PPP2R2B: variants seen among roughly 807,000 people sequenced by gnomAD.
PPP2R2B encodes protein phosphatase 2 regulatory subunit Bbeta.
PPP2R2B carries 5 observed loss-of-function variants against 46.0 expected under a neutral mutation model. The ratio of observed to expected loss-of-function variants is 0.11; its 90% CI spans 0.06 to 0.23. The LOEUF (loss-of-function observed/expected upper bound fraction) is 0.23, where lower values mean the gene tolerates loss of function less well. PPP2R2B is among the 10% of genes least tolerant of loss of function. The pLI, the probability that PPP2R2B is intolerant of heterozygous loss-of-function variation, is 1.00. For synonymous variants in PPP2R2B, 215 were observed against 206.7 expected (o/e 1.04, Z -0.34); for missense variants, 367 against 575.0 (o/e 0.64, Z 3.70).
rs1770258636 is a variant in PPP2R2B at position 146,588,070 on chromosome 5, C to T, written c.*1877G>A. On this transcript the variant is annotated 3_prime_UTR_variant, in exon 10 of 10. Transcript: ENST00000394411. ...AGTTTCTGACTCTCTCATGTCTCCT[C>T]CAAGAACACTGTCCCAGTCAGGACA... is the stretch of plus-strand genomic sequence containing the variant. 1 of 151,162 alleles carries T rather than the reference C, an allele frequency of 6.6e-6. No homozygotes were observed. The highest frequency in any genetic ancestry group is 2.4e-5 in the African/African-American group (1 of 41,092). The allele number at this position is 151,162 out of a possible 1,614,324, so 9.4% of individuals were successfully genotyped here. A position where few individuals can be genotyped will look rare whatever the true frequency, so the allele number is the denominator to read the frequency against.
chr5:146,926,362 A>G (rs1389602393), intron 1 of PPP2R2B, among the ~76,000 whole-genome samples: 1 of 151,846 alleles, frequency 6.6e-6, no homozygotes, highest in Admixed American at 6.6e-5. Flanking sequence ...AAATATATAT[A>G]CATTCCTGAT....
intron 5 of PPP2R2B, among the ~76,000 whole-genome samples, chr5:146,673,493 T>TA (rs58481127): frequency 6.8e-6 from 1 of 148,082 alleles, no homozygotes; most frequent in Non-Finnish European, 1.5e-5. Context: ...ATTTTTTTTT[T>TA]ATTGCTACTA....
chr5:146,853,422 T>A (rs1582272645), intron 2 of PPP2R2B, among the ~76,000 whole-genome samples: 3 of 152,158 alleles, frequency 2.0e-5, no homozygotes, highest in African/African-American at 7.2e-5. Context: ...ATAGTAATGG[T>A]GCAAAACACA....
intron 1 of PPP2R2B, among the ~76,000 whole-genome samples, chr5:147,007,093 C>T (rs1372481644): frequency 6.6e-6 from 1 of 152,112 alleles, no homozygotes; most frequent in East Asian, 1.9e-4. Context: ...ACAAATGGAA[C>T]CCCAAGTGAG....
At chr5:146,805,192 A>G (rs983332205) in intron 2 of PPP2R2B, among the ~76,000 whole-genome samples, 4 of 152,172 alleles carry the variant, frequency 2.6e-5, no homozygotes, top group African/African-American at 9.6e-5. Flanking sequence ...TATTACATAG[A>G]AAGTTGAGGA....
chr5:146,998,334 G>A (rs1754013557), intron 1 of PPP2R2B, among the ~76,000 whole-genome samples: 1 of 152,186 alleles, frequency 6.6e-6, no homozygotes, highest in Non-Finnish European at 1.5e-5. Flanking sequence ...GCAGCTGGGA[G>A]ACTGAAGCAC....
At chr5:147,048,948 G>A (rs956427057) in intron 1 of PPP2R2B, among the ~76,000 whole-genome samples, 3 of 152,014 alleles carry the variant, frequency 2.0e-5, no homozygotes, top group African/African-American at 7.3e-5. Context: ...TTCTATAGTG[G>A]GAAAGGACAG....
intron 2 of PPP2R2B, among the ~76,000 whole-genome samples, chr5:146,805,905 CTTAT>C (rs1259777580): frequency 6.6e-6 from 1 of 152,112 alleles, no homozygotes. Flanking sequence ...CTTCCTAGTT[CTTAT>C]TTATTTCCTA....
chr5:146,837,822 G>A (rs1759384724), intron 2 of PPP2R2B, among the ~76,000 whole-genome samples: 1 of 152,152 alleles, frequency 6.6e-6, no homozygotes, highest in Non-Finnish European at 1.5e-5. Context: ...TTGTCGAATA[G>A]CACAATTCTA....
intron 1 of PPP2R2B, among the ~76,000 whole-genome samples, chr5:147,002,125 G>C (rs992010596): frequency 6.6e-6 from 1 of 152,068 alleles, no homozygotes; most frequent in African/African-American, 2.4e-5. Context: ...ACCACTCCCT[G>C]TCTCTGGTGC....
At chr5:146,719,754 A>G (rs1780687996) in intron 2 of PPP2R2B, among the ~76,000 whole-genome samples, 1 of 141,110 alleles carries the variant, frequency 7.1e-6, no homozygotes, top group Non-Finnish European at 1.5e-5. Flanking sequence ...GTTTATTAAC[A>G]TTGCAGTATT....
chr5:146,768,997 C>T (rs73322122), intron 2 of PPP2R2B, among the ~76,000 whole-genome samples: 1 of 151,990 alleles, frequency 6.6e-6, no homozygotes, highest in East Asian at 1.9e-4. Flanking sequence ...CCTGCCTCAG[C>T]CTCCCAAGTA....
chr5:146,919,337 A>G (rs1311828645), intron 1 of PPP2R2B: 2 of 152,200 alleles, frequency 1.3e-5, no homozygotes, highest in African/African-American at 2.4e-5. Context: ...TCAGAGCTAC[A>G]TAAAAGAAGC....
At chr5:146,959,344 T>A (rs1233128224) in intron 1 of PPP2R2B, among the ~76,000 whole-genome samples, 1 of 152,134 alleles carries the variant, frequency 6.6e-6, no homozygotes, top group Non-Finnish European at 1.5e-5. Context: ...GATTGAGACA[T>A]AATCCCTGCC....
At chr5:146,912,460 C>T (rs1763221788) in intron 1 of PPP2R2B, among the ~76,000 whole-genome samples, 1 of 151,608 alleles carries the variant, frequency 6.6e-6, no homozygotes, top group South Asian at 2.1e-4. Context: ...ATTCTGCATA[C>T]TTGCAGAGTT....
At chr5:146,666,102 AGAAAT>A (rs1776967151) in intron 5 of PPP2R2B, among the ~76,000 whole-genome samples, 1 of 152,214 alleles carries the variant, frequency 6.6e-6, no homozygotes, top group African/African-American at 2.4e-5. Flanking sequence ...CTATCAATGG[AGAAAT>A]GATTTAATGT....
chr5:147,069,171 C>T (rs76591202), intron 2 of PPP2R2B, among the ~76,000 whole-genome samples: 48 of 152,204 alleles, frequency 3.2e-4, no homozygotes, highest in Non-Finnish European at 6.2e-4. Context: ...TTTACAAATT[C>T]CAGTGGTGAT....
At chr5:146,711,493 T>A (rs1456527051) in intron 2 of PPP2R2B, among the ~76,000 whole-genome samples, 1 of 152,190 alleles carries the variant, frequency 6.6e-6, no homozygotes, top group Non-Finnish European at 1.5e-5. Context: ...CAATAAATAA[T>A]AGATCTTGTC....
At chr5:146,783,701 C>T (rs919628355) in intron 2 of PPP2R2B, among the ~76,000 whole-genome samples, 1 of 152,190 alleles carries the variant, frequency 6.6e-6, no homozygotes, top group Non-Finnish European at 1.5e-5. Context: ...TACAAGATTG[C>T]AGACAACGCA....
Sources: gnomAD v4.1 joint callset for allele counts (sites outside exome capture counted in the v4.1 genomes callset) on GRCh38, gnomAD v4.1.1 for gene constraint, MANE v1.5 for transcripts, NCBI Gene and HGNC (gene_info 2026-07-23, HGNC 2026-07-21) for gene names.